Variants in CDH13 observed in about 807,000 individuals in gnomAD.
CDH13 encodes cadherin-13.
In CDH13, 24 loss-of-function variants were observed where a neutral mutation model predicts 63.8. The observed-to-expected ratio is 0.38, with a 90% CI of 0.27 to 0.53. CDH13 has a LOEUF of 0.53. Among genes scored for constraint, CDH13 ranks in the 20% least tolerant of loss-of-function variants. The pLI is 0.85. For synonymous variants in CDH13, 503 were observed against 355.3 expected, an observed-to-expected ratio of 1.42 and a Z score of -4.67; for missense variants, 1,049 against 903.1, an observed-to-expected ratio of 1.16 and a Z score of -2.07.
At chr16:83,453,842 G>T (rs1170405878) in intron 6 of CDH13, among the ~76,000 whole-genome samples, 3 of 152,154 alleles carry the variant, frequency 2.0e-5, no homozygotes, top group Non-Finnish European at 4.4e-5. Context: ...TCTGTTCAGG[G>T]GACCATATGT....
At chr16:83,134,590 AGAGT>A (rs1198842153) in intron 4 of CDH13, among the ~76,000 whole-genome samples, 3,772 of 49,190 alleles carry the variant, frequency 0.077, 425 homozygotes, top group Non-Finnish European at 0.1. Context: ...AGAGAGAGAG[AGAGT>A]GAGTTACATG....
chr16:83,031,857 G>C (rs1916384906), intron 2 of CDH13, among the ~76,000 whole-genome samples, 153 bp from the exon 3 acceptor site: 1 of 152,124 alleles, frequency 6.6e-6, no homozygotes, highest in Non-Finnish European at 1.5e-5. Flanking sequence ...AAGTCACTTG[G>C]GCACAGGCAT....
chr16:82,973,468 C>G lies in CDH13; in HGVS notation c.158-58542C>G, dbSNP rs146932069. Among the ~76,000 whole-genome samples, 126 of 152,336 alleles carry G rather than the reference C, an allele frequency of 8.3e-4. 1 individual carries two copies. The highest frequency in any genetic ancestry group is 1.7e-3 in the Non-Finnish European group (114 of 68,030). On this transcript the variant is annotated intron_variant, in intron 2 of 13. Transcript: ENST00000567109. ...GTTCACTGTTCAATTTAACAAAACA[C>G]ATATTAGGCACCTACTGTGAGGCAG...
At chr16:82,674,788 T>C (rs1597288083) in intron 1 of CDH13, among the ~76,000 whole-genome samples, 2 of 152,334 alleles carry the variant, frequency 1.3e-5, no homozygotes, top group South Asian at 4.1e-4. Flanking sequence ...AAATTATTTA[T>C]AATTATGGTA....
intron 1 of CDH13, among the ~76,000 whole-genome samples, chr16:82,695,084 G>A (rs1296384331): frequency 2.0e-5 from 3 of 152,098 alleles, no homozygotes; most frequent in Non-Finnish European, 4.4e-5. Context: ...GTCGGCTGGA[G>A]GAAGGGCATG....
At position 82,947,004 on chromosome 16, in the gene CDH13, C is replaced by CTGTGTGTGTGTGTG. The variant is rs3223223; in HGVS notation, c.158-84975_158-84962dup. 9.0e-4 allele frequency among the ~76,000 whole-genome samples: 121 copies of CTGTGTGTGTGTGTG among 135,008 alleles called. No individual in the cohort carries two copies. In the East Asian group the frequency reaches 0.012, roughly 13 times the overall value. The allele number at this position is 135,008 out of a possible 152,430, so 88.6% of individuals were successfully genotyped here. ...CCAAAGTCTTTATAAGTGCGCACGC[C>CTGTGTGTGTGTGTG]TGTGTGTGTGTGTGTGTGTGTGTGT... On this transcript the variant is annotated intron_variant, in intron 2 of 13. Coordinates refer to ENST00000567109, the MANE Select transcript of CDH13 (RefSeq NM_001257.5).
intron 7 of CDH13, among the ~76,000 whole-genome samples, chr16:83,601,869 C>A (rs919383724): frequency 1.3e-5 from 2 of 151,672 alleles, no homozygotes; most frequent in Admixed American, 6.6e-5. Context: ...CTGAGGCAGG[C>A]AGATCACGAG....
chr16:83,555,411 G>T (rs2075582181), intron 7 of CDH13, among the ~76,000 whole-genome samples: 2 of 152,198 alleles, frequency 1.3e-5, no homozygotes, highest in African/African-American at 4.8e-5. Context: ...TTCCCCAGGT[G>T]ATTCATATAC....
chr16:83,722,173 C>T (rs1338005529), intron 10 of CDH13, among the ~76,000 whole-genome samples: 1 of 152,136 alleles, frequency 6.6e-6, no homozygotes, highest in South Asian at 2.1e-4. Flanking sequence ...ACTTCGCTGC[C>T]TGCTAATTAT....
chr16:83,063,235 T>A (rs2031729093), intron 3 of CDH13, among the ~76,000 whole-genome samples: 1 of 152,166 alleles, frequency 6.6e-6, no homozygotes, highest in Non-Finnish European at 1.5e-5. Flanking sequence ...GTGCTGGAAT[T>A]ACAGGTGTGA....
intron 7 of CDH13, among the ~76,000 whole-genome samples, chr16:83,490,485 C>G (rs1247387558): frequency 6.6e-6 from 1 of 152,196 alleles, no homozygotes; most frequent in Non-Finnish European, 1.5e-5. Flanking sequence ...GGATGTCTCA[C>G]ATGGAGCCAT....
chr16:83,780,078 A>G lies in CDH13; in HGVS notation c.1792A>G (p.Asn598Asp). ...TVAEVCDDAKNLSVVILGASD... is the reference protein window; with the variant it reads ...TVAEVCDDAKDLSVVILGASD... The stretch of plus-strand genomic sequence containing the variant: ...AGCTGAAGTCTGTGATGATGCCAAA[A>G]ACCTCAGTGTAGTCATTTTGGGAGC... Residue 598 changes from asparagine (N) to aspartate (D), a missense_variant, in exon 12 of 14, where the codon AAC becomes GAC. Physicochemically the swap from Asn to Asp is conservative, Grantham distance 23. Coordinates refer to ENST00000567109, the MANE Select transcript of CDH13 (RefSeq NM_001257.5). 2 of 1,613,900 alleles carry G rather than the reference A, an allele frequency of 1.2e-6. No homozygotes were observed. Among genetic ancestry groups the G allele is most frequent in the Non-Finnish European group, 1.7e-6 (2 of 1,179,850 alleles).
chr16:82,837,106 T>C (rs1379504952), intron 1 of CDH13, among the ~76,000 whole-genome samples: 1 of 152,214 alleles, frequency 6.6e-6, no homozygotes, highest in Non-Finnish European at 1.5e-5. Flanking sequence ...AAAGCGTCCC[T>C]GTATTTTCCT....
chr16:83,742,006 T>C (rs1912111865), intron 10 of CDH13, among the ~76,000 whole-genome samples: 1 of 152,210 alleles, frequency 6.6e-6, no homozygotes, highest in Non-Finnish European at 1.5e-5. Flanking sequence ...CAGTCCATGG[T>C]GCCAAAGAGG....
chr16:83,069,478 T>G (rs1206666536), intron 3 of CDH13, among the ~76,000 whole-genome samples: 1 of 152,154 alleles, frequency 6.6e-6, no homozygotes, highest in Non-Finnish European at 1.5e-5. Context: ...CCCCCTAAGG[T>G]AGAAATTGTT....
At chr16:83,338,467 G>A (rs898860153) in intron 5 of CDH13, among the ~76,000 whole-genome samples, 5 of 152,318 alleles carry the variant, frequency 3.3e-5, no homozygotes, top group Middle Eastern at 3.4e-3. Context: ...CCAGGCATTG[G>A]GTCCAGGCTT....
chr16:83,074,729 A>G (rs967584046), intron 3 of CDH13, among the ~76,000 whole-genome samples: 2 of 152,164 alleles, frequency 1.3e-5, no homozygotes, highest in Non-Finnish European at 2.9e-5. Context: ...CCATCGTCTC[A>G]CACAGTCCTC....
At chr16:83,229,899 C>T (rs1189605386) in intron 5 of CDH13, among the ~76,000 whole-genome samples, 1 of 152,170 alleles carries the variant, frequency 6.6e-6, no homozygotes, top group Admixed American at 6.5e-5. Flanking sequence ...TAATAGCAAA[C>T]TGGAGAGTCG....
At chr16:83,781,361 A>G (rs1375173631) in intron 12 of CDH13, among the ~76,000 whole-genome samples, 1 of 152,256 alleles carries the variant, frequency 6.6e-6, no homozygotes, top group Non-Finnish European at 1.5e-5. Flanking sequence ...TATGTCTTCA[A>G]TAATATACTT....
Sources: gnomAD v4.1 joint callset for allele counts (sites outside exome capture counted in the v4.1 genomes callset) on GRCh38, gnomAD v4.1.1 for gene constraint, MANE v1.5 for transcripts, NCBI Gene and HGNC (gene_info 2026-07-23, HGNC 2026-07-21) for gene names.